NLGN1: variants seen among roughly 807,000 people sequenced by gnomAD.
NLGN1 encodes neuroligin 1.
In NLGN1, 12 loss-of-function variants were observed where a neutral mutation model predicts 65.5. The ratio of observed to expected loss-of-function variants is 0.18; its 90% CI spans 0.12 to 0.30. The LOEUF (loss-of-function observed/expected upper bound fraction) is 0.30. Among genes scored for constraint, NLGN1 ranks in the 10% least tolerant of loss-of-function variants. NLGN1 has a pLI of 1.00. For synonymous variants in NLGN1, 350 were observed against 359.5 expected (o/e 0.97, Z 0.30); for missense variants, 750 against 1,007.1 (o/e 0.74, Z 3.46).
chr3:173,498,517 T>G (rs1393054387), intron 2 of NLGN1, among the ~76,000 whole-genome samples: 1 of 151,870 alleles, frequency 6.6e-6, no homozygotes, highest in African/African-American at 2.4e-5. Flanking sequence ...TAAACATACG[T>G]GTGCATGTGG....
intron 4 of NLGN1, among the ~76,000 whole-genome samples, chr3:174,167,912 T>A (rs186556483): frequency 1.5e-3 from 223 of 152,156 alleles, no homozygotes; most frequent in East Asian, 9.1e-3. Flanking sequence ...AATTTTTTTT[T>A]AAATTTTTTT....
At chr3:173,420,950 T>C (rs1714926013) in intron 1 of NLGN1, among the ~76,000 whole-genome samples, 3 of 152,342 alleles carry the variant, frequency 2.0e-5, no homozygotes, top group South Asian at 4.1e-4. Flanking sequence ...TGTATATTTC[T>C]AATACTTTTC....
At chr3:173,633,389 G>A (rs956780458) in intron 3 of NLGN1, among the ~76,000 whole-genome samples, 2 of 152,078 alleles carry the variant, frequency 1.3e-5, no homozygotes, top group Admixed American at 6.6e-5. Flanking sequence ...TGTTTTTAAT[G>A]TACATTTCCC....
At chr3:173,694,308 A>G (rs1330837206) in intron 3 of NLGN1, among the ~76,000 whole-genome samples, 1 of 152,184 alleles carries the variant, frequency 6.6e-6, no homozygotes, top group Non-Finnish European at 1.5e-5. Flanking sequence ...ATAAAACATT[A>G]TGTAATGTAG....
At chr3:174,173,258 G>C (rs1438272414) in intron 4 of NLGN1, among the ~76,000 whole-genome samples, 2 of 152,006 alleles carry the variant, frequency 1.3e-5, no homozygotes, top group East Asian at 3.9e-4. Context: ...CTGCAAACAA[G>C]AATGGTTTGA....
At chr3:174,010,365 T>A (rs1480772669) in intron 4 of NLGN1, among the ~76,000 whole-genome samples, 2 of 152,160 alleles carry the variant, frequency 1.3e-5, no homozygotes, top group Non-Finnish European at 2.9e-5. Flanking sequence ...AAAGGGACAG[T>A]CCTTTCAACA....
chr3:173,929,141 T>C (rs1743574364), intron 4 of NLGN1, among the ~76,000 whole-genome samples: 1 of 152,194 alleles, frequency 6.6e-6, no homozygotes, highest in Non-Finnish European at 1.5e-5. Context: ...ATATATTCCA[T>C]TTAATATGTG....
chr3:173,605,205 T>C (rs1751184132), intron 3 of NLGN1, 114 bp downstream of exon 2: 8 of 850,092 alleles, frequency 9.4e-6, no homozygotes, highest in Non-Finnish European at 1.4e-5. Context: ...CCTGTTGGCA[T>C]GTAGACATAT....
At chr3:173,991,012 C>A (rs1030198584) in intron 4 of NLGN1, among the ~76,000 whole-genome samples, 1 of 152,044 alleles carries the variant, frequency 6.6e-6, no homozygotes, top group African/African-American at 2.4e-5. Flanking sequence ...CAACATTTCC[C>A]ACAGAGTTGT....
rs114706785 is a variant in NLGN1, at chr3:173,962,673, A to G, written c.646+154841A>G. The stretch of plus-strand genomic sequence containing the variant: ...TAAAGAATTTACGATGTAATAAGCT[A>G]GGAAATTCTCTATTAATATAAAGGC... On this transcript the variant is annotated intron_variant, in intron 4 of 6. Coordinates refer to ENST00000457714, the Ensembl canonical transcript of NLGN1. Among the ~76,000 whole-genome samples, 623 of 152,312 alleles carry G rather than the reference A, an allele frequency of 4.1e-3. 7 individuals carry two copies. Among genetic ancestry groups the G allele is most frequent in the African/African-American group, 0.014 (581 of 41,586 alleles).
In NLGN1 at chr3:174,205,314, T is replaced by C. The variant is rs1217189233; in HGVS notation, c.647-70001T>C. On this transcript the variant is annotated intron_variant, in intron 4 of 6. Transcript: ENST00000457714. ...GAGGTTAAAGTTAAATATTATAACA[T>C]TGCAATTTTCAAAAAGAAAATGGAG... Among the ~76,000 whole-genome samples, 7 of 152,204 alleles carry C rather than the reference T, an allele frequency of 4.6e-5. 1 individual carries two copies. The highest frequency in any genetic ancestry group is 2.6e-4 in the Admixed American group (4 of 15,280).
chr3:173,651,491 C>A (rs1043430614), intron 3 of NLGN1, among the ~76,000 whole-genome samples: 2 of 151,992 alleles, frequency 1.3e-5, no homozygotes, highest in African/African-American at 4.8e-5. Flanking sequence ...AGTGGGATTG[C>A]TGGATTGAAT....
chr3:173,739,270 C>A (rs1317903394), intron 3 of NLGN1, among the ~76,000 whole-genome samples: 1 of 151,990 alleles, frequency 6.6e-6, no homozygotes, highest in Non-Finnish European at 1.5e-5. Flanking sequence ...AGGGGTTTAG[C>A]ATTTACTTGG....
intron 2 of NLGN1, among the ~76,000 whole-genome samples, chr3:173,569,567 C>T (rs1290493945): frequency 4.1e-5 from 6 of 145,432 alleles, no homozygotes; most frequent in Admixed American, 6.9e-5. Flanking sequence ...CTGAAAATAT[C>T]TGTTTTCTCA....
chr3:174,213,534 C>T (rs954947552), intron 4 of NLGN1, among the ~76,000 whole-genome samples: 2 of 151,962 alleles, frequency 1.3e-5, no homozygotes, highest in African/African-American at 2.4e-5. Flanking sequence ...GTTTAATGTC[C>T]CATGTGATAA....
intron 3 of NLGN1, among the ~76,000 whole-genome samples, chr3:173,608,603 A>G (rs1021801126): frequency 3.3e-5 from 5 of 151,810 alleles, no homozygotes; most frequent in Non-Finnish European, 4.4e-5. Flanking sequence ...AGGTATTCCA[A>G]CCTTACCACT....
At chr3:173,826,651 A>G (rs2150566197) in intron 4 of NLGN1, among the ~76,000 whole-genome samples, 1 of 152,228 alleles carries the variant, frequency 6.6e-6, no homozygotes, top group African/African-American at 2.4e-5. Flanking sequence ...ATTCGGTTGA[A>G]AAACAACTAG....
At chr3:173,851,383 T>A (rs1726893284) in intron 4 of NLGN1, among the ~76,000 whole-genome samples, 1 of 152,228 alleles carries the variant, frequency 6.6e-6, no homozygotes, top group Non-Finnish European at 1.5e-5. Flanking sequence ...CATACATAAC[T>A]AGGTCATATT....
rs568693179 is a variant in NLGN1, at chr3:174,104,956, T to C, written c.647-170359T>C. 2.6e-5 allele frequency among the ~76,000 whole-genome samples: 4 copies of C among 152,276 alleles called. No individual in the cohort carries two copies. The East Asian group carries it at 5.8e-4, about 22-fold the overall frequency. On this transcript the variant is annotated intron_variant, in intron 4 of 6. Transcript: ENST00000457714. ...AATCAGGAAATTACATGACTTGATA[T>C]GAGTTTTCAGGATATGGCTAGTGAC...
Sources: allele counts gnomAD v4.1 joint callset (sites outside exome capture counted in the v4.1 genomes callset), GRCh38; gene constraint gnomAD v4.1.1; transcripts MANE v1.5; gene names NCBI Gene and HGNC (gene_info 2026-07-23, HGNC 2026-07-21).